The following SHC4 variants were observed in gnomAD, a reference collection of about 807,000 sequenced individuals.
SHC4 encodes the protein SHC-transforming protein 4.
In SHC4, 41 loss-of-function variants were observed where a neutral mutation model predicts 69.4. The ratio of observed to expected loss-of-function variants is 0.59; its 90% CI spans 0.46 to 0.77. The LOEUF is 0.77. SHC4 is among the 30% of genes least tolerant of loss of function. The pLI is 0.00. For missense variants in SHC4, 777 were observed against 783.8 expected (o/e 0.99, Z 0.10); for synonymous variants, 318 against 299.3 (o/e 1.06, Z -0.64).
rs139981319 is a variant in SHC4 at position 48,912,461 on chromosome 15, A to G, written c.656+12418T>C. On this transcript the variant is annotated intron_variant, in intron 2 of 11. Transcript: ENST00000332408. ...TTTATTGCTTCTTTTTCTTTAAGCT[A>G]TCTACTTCCTTGAATATTTCTCTCT... Among the ~76,000 whole-genome samples, 784 of 152,272 alleles carry G rather than the reference A, an allele frequency of 5.1e-3. 21 individuals carry two copies. Among genetic ancestry groups the G allele is most frequent in the Admixed American group, 0.036 (555 of 15,294 alleles).
At chr15:48,909,866 T>C (rs1445145784) in intron 2 of SHC4, among the ~76,000 whole-genome samples, 2 of 152,198 alleles carry the variant, frequency 1.3e-5, no homozygotes, top group East Asian at 3.8e-4. Context: ...TTTATTGACT[T>C]GTGTATGTTA....
chr15:48,888,531 G>A (rs1567061997), intron 3 of SHC4, among the ~76,000 whole-genome samples: 1 of 152,168 alleles, frequency 6.6e-6, no homozygotes, highest in Admixed American at 6.5e-5. Context: ...GAGTTCTAAA[G>A]ATGGATGATG....
chr15:48,859,025 G>C (rs933995719), intron 6 of SHC4, among the ~76,000 whole-genome samples: 2 of 152,180 alleles, frequency 1.3e-5, no homozygotes, highest in African/African-American at 4.8e-5. Context: ...TCTGAGGAGA[G>C]GAGAGACAAC....
chr15:48,945,912 A>G (rs1901268637), intron 1 of SHC4: 1 of 152,244 alleles, frequency 6.6e-6, no homozygotes, highest in African/African-American at 2.4e-5. Context: ...GATCTAGAAA[A>G]AAACCTGACA....
At chr15:48,839,272 A>G (rs1215966681) in intron 10 of SHC4, among the ~76,000 whole-genome samples, 3 of 152,218 alleles carry the variant, frequency 2.0e-5, no homozygotes, top group Non-Finnish European at 2.9e-5. Flanking sequence ...TTTTCAAGGA[A>G]ACTACATCGC....
At position 48,834,543 on chromosome 15, in the gene SHC4, T is replaced by C. The variant is rs116477387; in HGVS notation, c.1737+226A>G. 4.4e-3 allele frequency among the ~76,000 whole-genome samples: 673 copies of C among 152,272 alleles called. 5 individuals are homozygous for C. The highest frequency in any genetic ancestry group is 0.015 in the African/African-American group (635 of 41,564). ...TATTCATTTAATTCATTGAATTGAA[T>C]TGAAAAGGGCAGAAAGAGGCTGTCC... is the stretch of plus-strand genomic sequence containing the variant. On this transcript the variant is annotated intron_variant, in intron 11 of 11. Transcript: ENST00000332408.
chr15:48,896,822 A>T (rs1181271417), intron 2 of SHC4, among the ~76,000 whole-genome samples: 1 of 152,254 alleles, frequency 6.6e-6, no homozygotes, highest in Non-Finnish European at 1.5e-5. Flanking sequence ...ATAGATGCCT[A>T]CATTTTGTTG....
At chr15:48,924,812 C>A in intron 2 of SHC4, 67 bp downstream of exon 2, 1 of 1,532,790 alleles carries the variant, frequency 6.5e-7, no homozygotes, top group South Asian at 1.1e-5. Context: ...CATAAAATTC[C>A]TGTGGGAGAA....
At chr15:48,848,746 A>C (rs903770993) in intron 9 of SHC4, among the ~76,000 whole-genome samples, 67 of 152,216 alleles carry the variant, frequency 4.4e-4, no homozygotes, top group Non-Finnish European at 9.1e-4. Flanking sequence ...TTACAAAAAG[A>C]AAAATCTTGA....
intron 9 of SHC4, 30 bp from the exon 10 acceptor site, chr15:48,843,618 A>G: frequency 1.3e-6 from 2 of 1,568,282 alleles, no homozygotes; most frequent in Non-Finnish European, 1.7e-6. Context: ...TCAATACATT[A>G]TGTTTTTTCT....
intron 4 of SHC4, chr15:48,877,601 C>A (rs1336911149): frequency 1.0e-6 from 1 of 979,468 alleles, no homozygotes; most frequent in Admixed American, 6.2e-5. Context: ...ACCTCCCAGG[C>A]GAAAAGAAAT....
chr15:48,891,126 C>T (rs1900130265), intron 2 of SHC4, among the ~76,000 whole-genome samples: 1 of 152,106 alleles, frequency 6.6e-6, no homozygotes. Flanking sequence ...AAAGGAGGGG[C>T]AGGGCATTGT....
intron 11 of SHC4, 123 bp from the exon 12 acceptor site, chr15:48,826,249 G>T: frequency 4.2e-6 from 4 of 961,458 alleles, no homozygotes; most frequent in East Asian, 2.9e-5. Context: ...AAAAAGAAAA[G>T]GTACTTTTTT....
At chr15:48,844,752 G>A (rs977347642) in intron 9 of SHC4, among the ~76,000 whole-genome samples, 1 of 152,166 alleles carries the variant, frequency 6.6e-6, no homozygotes, top group Non-Finnish European at 1.5e-5. Context: ...TCTCCTTGTA[G>A]TGAATGAGTT....
chr15:48,916,317 ACC>A (rs745637607), intron 2 of SHC4, among the ~76,000 whole-genome samples: 2 of 137,590 alleles, frequency 1.5e-5, no homozygotes, highest in Admixed American at 7.4e-5. Flanking sequence ...ACACACACAC[ACC>A]CAGAAGTATG....
rs533946353 is a variant in SHC4, at chr15:48,938,015, A to G, written c.586-13066T>C. Among the ~76,000 whole-genome samples the G allele has an allele frequency of 4.0e-3, 616 of 152,334 alleles. 5 individuals carry two copies. Among genetic ancestry groups the G allele is most frequent in the African/African-American group, 0.014 (593 of 41,582 alleles). ...TTTGCGGGGAGGAGCAAGTGTTGGC[A>G]CTGTAGCCAAGCCTCCTAAGAGACT... On this transcript the variant is annotated intron_variant, in intron 1 of 11. Coordinates refer to ENST00000332408, the MANE Select transcript of SHC4 (RefSeq NM_203349.4).
At position 48,870,320 on chromosome 15, in the gene SHC4, C is replaced by T. The variant is rs532196464; in HGVS notation, c.894+1769G>A. Among the ~76,000 whole-genome samples the T allele has an allele frequency of 5.3e-3, 812 of 152,250 alleles. 2 individuals are homozygous for T. Among genetic ancestry groups the T allele is most frequent in the Admixed American group, 0.01 (160 of 15,298 alleles). ...GGATGGAAAAGAGTCCAGATAGGCT[C>T]TTGGGCTCAAATAGCAGCTGCTAAG... On this transcript the variant is annotated intron_variant, in intron 5 of 11. Transcript: ENST00000332408.
Position 48,963,062 on chromosome 15 carries a change from T to C in SHC4, c.-47A>G. ...GGATACTGTTGCATAAATCGCCTCG[T>C]CGTCTGGTAGATAAACGGTGCAGAC... On this transcript the variant is annotated 5_prime_UTR_variant, in exon 1 of 12. Coordinates refer to ENST00000332408, the MANE Select transcript of SHC4 (RefSeq NM_203349.4). The C allele has an allele frequency of 1.3e-6, 2 of 1,540,612 alleles. No individual in the cohort carries two copies. The highest frequency in any genetic ancestry group is 1.8e-6 in the Non-Finnish European group (2 of 1,140,894).
At chr15:48,950,211 ATAT>A (rs1157743720) in intron 1 of SHC4, among the ~76,000 whole-genome samples, 5 of 145,426 alleles carry the variant, frequency 3.4e-5, no homozygotes, top group African/African-American at 7.5e-5. Flanking sequence ...AATTGTATTT[ATAT>A]TATTATATAT....
Sources: allele counts gnomAD v4.1 joint callset (sites outside exome capture counted in the v4.1 genomes callset), GRCh38; gene constraint gnomAD v4.1.1; transcripts MANE v1.5; gene names NCBI Gene and HGNC (gene_info 2026-07-23, HGNC 2026-07-21).